Variants in MAGI2 observed in about 807,000 individuals in gnomAD.
The protein encoded by MAGI2 is membrane-associated guanylate kinase, WW and PDZ domain-containing protein 2.
In MAGI2, 35 loss-of-function variants were observed where a neutral mutation model predicts 133.3. The observed-to-expected ratio is 0.26, with a 90% CI of 0.20 to 0.35. The LOEUF is 0.35. Among genes scored for constraint, MAGI2 ranks in the 10% least tolerant of loss-of-function variants. The pLI is 1.00. For missense variants in MAGI2, 1,636 were observed against 1,863.4 expected (o/e 0.88, Z 2.25); for synonymous variants, 729 against 710.6 (o/e 1.03, Z -0.41).
At chr7:79,379,110 CT>C (rs1185380808) in intron 1 of MAGI2, among the ~76,000 whole-genome samples, 52 of 102,130 alleles carry the variant, frequency 5.1e-4, no homozygotes, top group East Asian at 1.8e-3. Flanking sequence ...TCCCTCCCTC[CT>C]CCCCCCCACC....
intron 1 of MAGI2, among the ~76,000 whole-genome samples, chr7:79,153,228 G>A (rs2129547142): frequency 6.6e-6 from 1 of 152,204 alleles, no homozygotes; most frequent in South Asian, 2.1e-4. Flanking sequence ...AATTTAGTCA[G>A]CTCTACAAGC....
intron 1 of MAGI2, among the ~76,000 whole-genome samples, chr7:79,162,516 T>C (rs1239415704): frequency 6.6e-6 from 1 of 151,936 alleles, no homozygotes; most frequent in Non-Finnish European, 1.5e-5. Context: ...ACCCTGCAAA[T>C]CAAGAAGGGA....
intron 1 of MAGI2, among the ~76,000 whole-genome samples, chr7:79,381,738 G>A (rs1843796863): frequency 6.6e-6 from 1 of 151,554 alleles, no homozygotes; most frequent in South Asian, 2.1e-4. Context: ...GATAATAAGG[G>A]GAAGATTTTG....
At chr7:78,408,155 AT>A (rs1467149089) in intron 6 of MAGI2, among the ~76,000 whole-genome samples, 2 of 152,044 alleles carry the variant, frequency 1.3e-5, no homozygotes, top group African/African-American at 4.8e-5. Flanking sequence ...TTTATTAAAA[AT>A]ATAAAAACAG....
chr7:79,369,245 T>A (rs1054371588), intron 1 of MAGI2, among the ~76,000 whole-genome samples: 6 of 152,318 alleles, frequency 3.9e-5, no homozygotes, highest in African/African-American at 1.4e-4. Context: ...GCATTGTTTT[T>A]ATAAGTATTT....
intron 1 of MAGI2, among the ~76,000 whole-genome samples, chr7:79,330,668 T>C (rs1271549173): frequency 6.6e-6 from 1 of 152,096 alleles, no homozygotes; most frequent in Non-Finnish European, 1.5e-5. Flanking sequence ...GCACTCATTT[T>C]TTTTAGGTGA....
At chr7:79,020,161 A>G (rs547126378) in intron 1 of MAGI2, among the ~76,000 whole-genome samples, 5 of 152,262 alleles carry the variant, frequency 3.3e-5, no homozygotes, top group Admixed American at 2.0e-4. Context: ...GACTCTTGCT[A>G]TGCTCCAGCA....
intron 1 of MAGI2, among the ~76,000 whole-genome samples, chr7:79,347,847 A>G (rs1375368735): frequency 6.6e-6 from 1 of 151,938 alleles, no homozygotes; most frequent in African/African-American, 2.4e-5. Flanking sequence ...ACCTTAAACT[A>G]TCCCAGGATT....
intron 6 of MAGI2, among the ~76,000 whole-genome samples, chr7:78,398,553 T>C (rs906604046): frequency 6.6e-6 from 1 of 152,198 alleles, no homozygotes; most frequent in African/African-American, 2.4e-5. Context: ...CATTTTTCTT[T>C]AGAGAACTTG....
intron 9 of MAGI2, among the ~76,000 whole-genome samples, chr7:78,292,123 G>A (rs971979553): frequency 2.0e-5 from 3 of 152,142 alleles, no homozygotes; most frequent in Admixed American, 2.0e-4. Flanking sequence ...TATTCAATTA[G>A]GAAAAGAGGA....
chr7:79,355,609 A>T (rs1841971355), intron 1 of MAGI2, among the ~76,000 whole-genome samples: 1 of 152,194 alleles, frequency 6.6e-6, no homozygotes, highest in Non-Finnish European at 1.5e-5. Flanking sequence ...CAACCCAGAT[A>T]GTTGCAGGGC....
chr7:78,918,450 G>T (rs1798965734), intron 2 of MAGI2, among the ~76,000 whole-genome samples: 1 of 152,122 alleles, frequency 6.6e-6, no homozygotes. Flanking sequence ...ATAAATCTGA[G>T]ACAGGCATTT....
intron 3 of MAGI2, among the ~76,000 whole-genome samples, chr7:78,526,667 A>G (rs1169821685): frequency 1.3e-5 from 2 of 152,144 alleles, no homozygotes; most frequent in East Asian, 3.9e-4. Flanking sequence ...TTTTTCATAA[A>G]GGTGGGGCTA....
At chr7:79,221,048 A>C (rs1034478441) in intron 1 of MAGI2, among the ~76,000 whole-genome samples, 1 of 151,942 alleles carries the variant, frequency 6.6e-6, no homozygotes, top group African/African-American at 2.4e-5. Flanking sequence ...CGTGCACCTG[A>C]TGGTAGAAGG....
chr7:78,617,023 TA>T (rs927038920), intron 3 of MAGI2: 2 of 152,090 alleles, frequency 1.3e-5, no homozygotes, highest in East Asian at 1.9e-4. Context: ...ATAAGTGCAA[TA>T]AAAAATAAAT....
chr7:78,782,183 T>G (rs1563499034), intron 2 of MAGI2, among the ~76,000 whole-genome samples: 1 of 152,136 alleles, frequency 6.6e-6, no homozygotes, highest in Non-Finnish European at 1.5e-5. Flanking sequence ...AAGCGATAAC[T>G]TGAAACACGT....
intron 1 of MAGI2, among the ~76,000 whole-genome samples, chr7:79,095,899 G>T (rs373797110): frequency 5.3e-5 from 8 of 152,112 alleles, no homozygotes; most frequent in African/African-American, 1.9e-4. Context: ...CTCAAGGCAG[G>T]GTTGCCACAA....
chr7:78,379,372 T>C (rs118014976), intron 6 of MAGI2, among the ~76,000 whole-genome samples: 7 of 152,056 alleles, frequency 4.6e-5, no homozygotes, highest in Non-Finnish European at 1.0e-4. Flanking sequence ...TGGGCAAAGA[T>C]AGGCCTGACA....
intron 9 of MAGI2, among the ~76,000 whole-genome samples, chr7:78,292,689 C>A (rs940101012): frequency 4.6e-5 from 7 of 152,158 alleles, no homozygotes; most frequent in Non-Finnish European, 1.0e-4. Context: ...AACTATTTTA[C>A]AAGGCTACAG....
Sources: gnomAD v4.1 joint callset for allele counts (sites outside exome capture counted in the v4.1 genomes callset) on GRCh38, gnomAD v4.1.1 for gene constraint, MANE v1.5 for transcripts, NCBI Gene and HGNC (gene_info 2026-07-23, HGNC 2026-07-21) for gene names.